OPCML: variants seen among roughly 807,000 people sequenced by gnomAD.
OPCML encodes opioid binding protein/cell adhesion molecule like, also known as opioid-binding protein/cell adhesion molecule.
OPCML carries 13 observed loss-of-function variants against 37.8 expected under a neutral mutation model. That is an observed-to-expected ratio of 0.34 (90% CI 0.22 to 0.55). The LOEUF (loss-of-function observed/expected upper bound fraction) is 0.55. Among genes scored for constraint, OPCML ranks in the 20% least tolerant of loss-of-function variants. The probability of loss-of-function intolerance (pLI) is 0.91; values close to 1 mark genes in which losing one functional copy is unlikely to be tolerated. For missense variants in OPCML, 341 were observed against 435.6 expected, an observed-to-expected ratio of 0.78 and a Z score of 1.93; for synonymous variants, 176 against 168.8, an observed-to-expected ratio of 1.04 and a Z score of -0.33.
At chr11:133,421,090 G>A in intron 1 of OPCML, 1 of 985,402 alleles carries the variant, frequency 1.0e-6, no homozygotes, top group Non-Finnish European at 1.2e-6. Context: ...AACATAATCT[G>A]CGGTCAGCAG....
intron 1 of OPCML, among the ~76,000 whole-genome samples, chr11:133,352,880 A>G (rs1944173652): frequency 6.6e-6 from 1 of 152,174 alleles, no homozygotes; most frequent in South Asian, 2.1e-4. Context: ...TGACCTTGGG[A>G]CAATTACAAA....
chr11:132,570,607 G>A (rs2096434852), intron 3 of OPCML, among the ~76,000 whole-genome samples: 1 of 151,196 alleles, frequency 6.6e-6, no homozygotes, highest in African/African-American at 2.4e-5. Flanking sequence ...ATAATTACAT[G>A]TTAAAAGTTT....
intron 7 of OPCML, among the ~76,000 whole-genome samples, chr11:132,430,006 T>C (rs1788774606): frequency 6.6e-6 from 1 of 151,888 alleles, no homozygotes; most frequent in Non-Finnish European, 1.5e-5. Flanking sequence ...TGGGGCATTG[T>C]GGGGTGAGAG....
chr11:132,916,089 A>G (rs1944592887), intron 2 of OPCML, among the ~76,000 whole-genome samples: 3 of 152,126 alleles, frequency 2.0e-5, no homozygotes, highest in African/African-American at 4.8e-5. Context: ...CAGAAGTTTC[A>G]TATTTATATT....
intron 4 of OPCML, among the ~76,000 whole-genome samples, chr11:132,492,896 C>T (rs2096220525): frequency 6.6e-6 from 1 of 152,154 alleles, no homozygotes; most frequent in African/African-American, 2.4e-5. Context: ...CAGCATCTAG[C>T]ACCTGACAGG....
At chr11:132,973,367 C>T (rs1470601895) in intron 1 of OPCML, among the ~76,000 whole-genome samples, 1 of 152,162 alleles carries the variant, frequency 6.6e-6, no homozygotes, top group East Asian at 1.9e-4. Flanking sequence ...CAATTATTCC[C>T]ACCATGATGC....
chr11:133,346,703 T>C (rs906074065), intron 1 of OPCML, among the ~76,000 whole-genome samples: 13 of 152,200 alleles, frequency 8.5e-5, no homozygotes, highest in African/African-American at 3.1e-4. Flanking sequence ...AATGTGGAAT[T>C]AGCCATCAGA....
chr11:132,761,229 CTT>C (rs71067393), intron 2 of OPCML, among the ~76,000 whole-genome samples: 2,614 of 122,614 alleles, frequency 0.021, 57 homozygotes, highest in African/African-American at 0.072. Flanking sequence ...CTGCGCTTAA[CTT>C]TTTTTTTTTT....
chr11:133,465,508 G>T (rs1946954830), intron 1 of OPCML, among the ~76,000 whole-genome samples: 1 of 152,192 alleles, frequency 6.6e-6, no homozygotes, highest in Non-Finnish European at 1.5e-5. Context: ...CTGAGCATCA[G>T]CTGCGTGCTA....
At chr11:132,773,313 G>A (rs1946704663) in intron 2 of OPCML, 1 of 152,130 alleles carries the variant, frequency 6.6e-6, no homozygotes, top group African/African-American at 2.4e-5. Flanking sequence ...ATTTGAGGAG[G>A]GCTTTGCCGG....
At chr11:133,191,945 T>C (rs527384616) in intron 1 of OPCML, among the ~76,000 whole-genome samples, 2 of 152,308 alleles carry the variant, frequency 1.3e-5, no homozygotes, top group East Asian at 1.9e-4. Context: ...ACCCAAAATA[T>C]AGAAAACCTT....
rs146744891 is a variant in OPCML, at chr11:132,738,117, G to A, written c.147-80798C>T. ...TGCACTGAGATCAGGCAGGAATTGC[G>A]CTAGAGTGGGAAGCATTGCTATTCT... On this transcript the variant is annotated intron_variant, in intron 2 of 7. Coordinates refer to ENST00000524381, the MANE Select transcript of OPCML (RefSeq NM_001012393.5). 6.6e-3 allele frequency among the ~76,000 whole-genome samples: 1,000 copies of A among 152,322 alleles called. 5 individuals are homozygous for A. Among genetic ancestry groups the A allele is most frequent in the Non-Finnish European group, 0.011 (736 of 68,044 alleles).
chr11:133,453,523 A>G (rs927816437), intron 1 of OPCML, among the ~76,000 whole-genome samples: 2 of 152,236 alleles, frequency 1.3e-5, no homozygotes, highest in African/African-American at 4.8e-5. Context: ...AGACAAGCCA[A>G]ACATATAGAT....
At chr11:132,787,913 G>A (rs940292482) in intron 2 of OPCML, among the ~76,000 whole-genome samples, 3 of 152,080 alleles carry the variant, frequency 2.0e-5, no homozygotes, top group African/African-American at 4.8e-5. Context: ...ACAGAGTCTC[G>A]CTTTGTCACC....
rs768719289 is a variant in OPCML at position 132,420,204 on chromosome 11, T to G, written c.1006A>C (p.Ile336Leu). The G allele has an allele frequency of 1.3e-5, 21 of 1,613,712 alleles. No individual in the cohort carries two copies. The Admixed American group carries it at 2.2e-4, about 17-fold the overall frequency. Residue 336 changes from isoleucine to leucine, a missense_variant, in exon 8 of 8, where the codon ATC (isoleucine) becomes CTC (leucine). Coordinates refer to ENST00000524381, the MANE Select transcript of OPCML (RefSeq NM_001012393.5). ...LSGTLLAHFF[I>L]KF ...CCTAGGATTTCTTATCAAAACTTGA[T>G]GAAGAAGTGGGCTAAGAGGGTCCCT...
intron 1 of OPCML, among the ~76,000 whole-genome samples, chr11:133,140,671 G>GAAGA (rs1040423960): frequency 8.8e-6 from 1 of 113,110 alleles, no homozygotes; most frequent in Non-Finnish European, 1.8e-5. Flanking sequence ...AAGAAGAAAA[G>GAAGA]AAGAAAGAAG....
At chr11:133,374,571 C>T (rs1944757041) in intron 1 of OPCML, among the ~76,000 whole-genome samples, 1 of 152,130 alleles carries the variant, frequency 6.6e-6, no homozygotes, top group Non-Finnish European at 1.5e-5. Context: ...AATGATTTTG[C>T]CTTTGGCACT....
intron 2 of OPCML, among the ~76,000 whole-genome samples, chr11:132,915,373 G>A (rs1005236859): frequency 1.2e-4 from 19 of 152,316 alleles, no homozygotes; most frequent in African/African-American, 4.6e-4. Context: ...CCAGCTGCAA[G>A]GCATGACATG....
chr11:132,636,607 T>C (rs983168454), intron 3 of OPCML, among the ~76,000 whole-genome samples: 13 of 152,218 alleles, frequency 8.5e-5, no homozygotes, highest in African/African-American at 3.1e-4. Flanking sequence ...ATAGCGAATG[T>C]GAGGATACAC....
Sources: gnomAD v4.1 joint callset for allele counts (sites outside exome capture counted in the v4.1 genomes callset) on GRCh38, gnomAD v4.1.1 for gene constraint, MANE v1.5 for transcripts, NCBI Gene and HGNC (gene_info 2026-07-23, HGNC 2026-07-21) for gene names.